ROBO2: variants seen among roughly 807,000 people sequenced by gnomAD.
ROBO2 encodes roundabout guidance receptor 2, also known as roundabout homolog 2.
In ROBO2, 53 loss-of-function variants were observed where a neutral mutation model predicts 160.8. The ratio of observed to expected loss-of-function variants is 0.33; its 90% confidence interval spans 0.26 to 0.41. ROBO2 has a LOEUF of 0.41. Among genes scored for constraint, ROBO2 ranks in the 10% least tolerant of loss-of-function variants. ROBO2 has a pLI of 1.00. For missense variants in ROBO2, 1,577 were observed against 1,722.4 expected, an observed-to-expected ratio of 0.92 and a Z score of 1.49; for synonymous variants, 664 against 611.7, an observed-to-expected ratio of 1.09 and a Z score of -1.26.
rs1184457898 is a variant in ROBO2, at chr3:76,375,589, T to C, written c.109+437987T>C. Among the ~76,000 whole-genome samples, 3 of 151,940 alleles carry C rather than the reference T, an allele frequency of 2.0e-5. No individual in the cohort carries two copies. The East Asian group carries it at 5.8e-4, about 29-fold the overall frequency. ...ATATGAAGTAGAAATGAATATAAAG[T>C]GCTCAGGTAGCATACAAGGAAAGCA... is the stretch of plus-strand genomic sequence containing the variant. On this transcript the variant is annotated intron_variant, in intron 2 of 26. Coordinates refer to the ROBO2 transcript ENST00000487694.
At chr3:76,148,374 A>T (rs2072000382) in intron 2 of ROBO2, among the ~76,000 whole-genome samples, 2 of 151,818 alleles carry the variant, frequency 1.3e-5, no homozygotes, top group Admixed American at 1.3e-4. Flanking sequence ...ATTACCTTGG[A>T]TCTCTCCTAA....
chr3:76,449,457 GC>G (rs1184230192), intron 2 of ROBO2, among the ~76,000 whole-genome samples: 1 of 152,006 alleles, frequency 6.6e-6, no homozygotes, highest in East Asian at 1.9e-4. Context: ...CCTGAAATTT[GC>G]TACCCTACAT....
intron 19 of ROBO2, among the ~76,000 whole-genome samples, chr3:77,598,614 G>T (rs898964592): frequency 1.3e-5 from 2 of 150,650 alleles, no homozygotes; most frequent in Admixed American, 1.3e-4. Context: ...TAAGTTATAT[G>T]ACTCCTCAGC....
chr3:77,614,741 CCAACCAACCAACCAAA>C (rs1014361494), intron 21 of ROBO2, among the ~76,000 whole-genome samples: 2 of 143,648 alleles, frequency 1.4e-5, no homozygotes, highest in African/African-American at 5.1e-5. Context: ...AACCAACCAA[CCAACCAACCAACCAAA>C]CAAACAAACA....
intron 2 of ROBO2, among the ~76,000 whole-genome samples, chr3:77,349,409 T>G (rs941435751): frequency 1.3e-5 from 2 of 152,144 alleles, no homozygotes; most frequent in African/African-American, 4.8e-5. Flanking sequence ...CAATGTTGTC[T>G]GTTCTTGGGA....
intron 22 of ROBO2, chr3:77,618,014 T>G (rs2094819711): frequency 1.9e-6 from 1 of 535,174 alleles, no homozygotes; most frequent in Admixed American, 3.3e-5. Flanking sequence ...TAACTAGAAC[T>G]AGAACTAAAA....
At chr3:77,516,943 T>C (rs1457136288) in intron 5 of ROBO2, among the ~76,000 whole-genome samples, 4 of 151,730 alleles carry the variant, frequency 2.6e-5, no homozygotes, top group South Asian at 4.1e-4. Flanking sequence ...TAAGCATTCA[T>C]TGAACGCCTC....
In ROBO2 at chr3:76,525,375, A is replaced by G. The variant is rs569072499; in HGVS notation, c.110-572639A>G. On this transcript the variant is annotated intron_variant, in intron 2 of 26. Coordinates refer to the ROBO2 transcript ENST00000487694. Reference sequence around the variant, plus strand: ...AATAGCTTATAAAACACATTTTAAAATAAGGAAAAATCCCATGATATAATT... The same window carrying G: ...AATAGCTTATAAAACACATTTTAAAGTAAGGAAAAATCCCATGATATAATT... 1.0e-3 allele frequency among the ~76,000 whole-genome samples: 152 copies of G among 152,054 alleles called. 1 individual carries two copies. In the South Asian group the frequency reaches 0.011, roughly 11 times the overall value.
At chr3:77,190,002 C>T (rs1037505419) in intron 2 of ROBO2, among the ~76,000 whole-genome samples, 4 of 151,916 alleles carry the variant, frequency 2.6e-5, no homozygotes, top group Non-Finnish European at 4.4e-5. Context: ...GGTGTTAGCA[C>T]TCTTGTCCGT....
intron 2 of ROBO2, among the ~76,000 whole-genome samples, chr3:76,137,052 A>C (rs563157113): frequency 1.3e-5 from 2 of 152,130 alleles, no homozygotes; most frequent in Admixed American, 1.3e-4. Flanking sequence ...GCAAGAAAAA[A>C]AATACCACAA....
chr3:77,580,048 C>T, exon 16 of ROBO2: 2 of 1,613,748 alleles, frequency 1.2e-6, no homozygotes, highest in Non-Finnish European at 1.7e-6. Context: ...GTATTCAATA[C>T]CGGGTAGAGG....
intron 2 of ROBO2, among the ~76,000 whole-genome samples, chr3:77,200,545 C>T (rs904077703): frequency 4.6e-5 from 7 of 151,646 alleles, no homozygotes; most frequent in African/African-American, 9.7e-5. Context: ...TATGTGCAGG[C>T]TGAGGGTCCC....
chr3:77,049,674 G>A (rs1356197952), intron 1 of ROBO2, among the ~76,000 whole-genome samples: 2 of 152,182 alleles, frequency 1.3e-5, no homozygotes, highest in Non-Finnish European at 2.9e-5. Context: ...GCTCAGGAGA[G>A]GGGGTTAACA....
intron 2 of ROBO2, among the ~76,000 whole-genome samples, chr3:76,694,440 A>T (rs556798024): frequency 2.6e-5 from 4 of 152,240 alleles, no homozygotes; most frequent in Admixed American, 2.6e-4. Context: ...AATAAGCCAA[A>T]AGAGGTCATC....
At chr3:76,570,202 C>T (rs2084873810) in intron 2 of ROBO2, among the ~76,000 whole-genome samples, 1 of 152,102 alleles carries the variant, frequency 6.6e-6, no homozygotes, top group Non-Finnish European at 1.5e-5. Flanking sequence ...TACTGATAGC[C>T]ATTGGATAGT....
intron 2 of ROBO2, among the ~76,000 whole-genome samples, chr3:76,669,280 C>T (rs559317739): frequency 6.6e-6 from 1 of 152,228 alleles, no homozygotes; most frequent in South Asian, 2.1e-4. Context: ...TCTCGTAACT[C>T]TGCTTCTACG....
At chr3:77,295,823 A>G (rs937221465) in intron 2 of ROBO2, among the ~76,000 whole-genome samples, 1 of 150,494 alleles carries the variant, frequency 6.6e-6, no homozygotes, top group Non-Finnish European at 1.5e-5. Context: ...CTAAAGACAT[A>G]AAGTAAAATT....
At chr3:76,953,274 G>T (rs1277517328) in intron 2 of ROBO2, among the ~76,000 whole-genome samples, 1 of 152,006 alleles carries the variant, frequency 6.6e-6, no homozygotes, top group East Asian at 1.9e-4. Context: ...AAAAAGATAT[G>T]GTACTTGAAA....
At chr3:77,356,674 A>G (rs567615245) in intron 2 of ROBO2, among the ~76,000 whole-genome samples, 2 of 152,302 alleles carry the variant, frequency 1.3e-5, no homozygotes, top group African/African-American at 4.8e-5. Context: ...GGAAATACCC[A>G]TTAGTAAACG....
Sources: gnomAD v4.1 joint callset for allele counts (sites outside exome capture counted in the v4.1 genomes callset) on GRCh38, gnomAD v4.1.1 for gene constraint, MANE v1.5 for transcripts, NCBI Gene and HGNC (gene_info 2026-07-23, HGNC 2026-07-21) for gene names.